The following GSTCD variants were observed in gnomAD, a reference collection of about 807,000 sequenced individuals.
The protein encoded by GSTCD is glutathione S-transferase C-terminal domain-containing protein.
A neutral mutation model predicts 68.3 loss-of-function variants in GSTCD; 44 were observed. The ratio of observed to expected loss-of-function variants is 0.64; its 90% CI spans 0.51 to 0.83. The LOEUF is 0.83. GSTCD is among the 40% of genes least tolerant of loss of function. The pLI, the probability that GSTCD is intolerant of heterozygous loss-of-function variation, is 0.00. For synonymous variants in GSTCD, 273 were observed against 255.2 expected, an observed-to-expected ratio of 1.07 and a Z score of -0.67; for missense variants, 739 against 735.9, an observed-to-expected ratio of 1.00 and a Z score of -0.05.
At chr4:105,820,001 AG>A (rs1160348619) in intron 5 of GSTCD, among the ~76,000 whole-genome samples, 1 of 151,842 alleles carries the variant, frequency 6.6e-6, no homozygotes, top group Admixed American at 6.6e-5. Flanking sequence ...CTCTTTTATA[AG>A]TAAGTTATAA....
chr4:105,721,870 T>TC (rs1732867055), intron 3 of GSTCD, among the ~76,000 whole-genome samples: 3 of 151,932 alleles, frequency 2.0e-5, no homozygotes, highest in Admixed American at 6.6e-5. Context: ...CACTCATGTT[T>TC]CCCCCCATTC....
rs747441882 is a variant in GSTCD at position 105,729,510 on chromosome 4, T to C, written c.1240+11T>C. ...TCAGCCCAAAGGAAGGTGAGTTTTC[T>C]TTTTTCTTTAAGTTTTATTCATACT... On this transcript the variant is annotated intron_variant, in intron 5 of 11. Coordinates refer to ENST00000515279, the MANE Select transcript of GSTCD (RefSeq NM_001370181.1). 5 of 1,585,686 alleles carry C rather than the reference T, an allele frequency of 3.2e-6. No individual in the cohort carries two copies. In the South Asian group the frequency reaches 4.5e-5, roughly 14 times the overall value.
chr4:105,763,409 C>G (rs1457686091), intron 5 of GSTCD, among the ~76,000 whole-genome samples: 1 of 152,120 alleles, frequency 6.6e-6, no homozygotes, highest in Non-Finnish European at 1.5e-5. Context: ...CACACATTAA[C>G]AACCCAATGA....
chr4:105,730,622 A>G (rs1733202909), intron 5 of GSTCD, among the ~76,000 whole-genome samples: 1 of 151,926 alleles, frequency 6.6e-6, no homozygotes, highest in African/African-American at 2.4e-5. Context: ...GTTTGAGTTC[A>G]TTGTAGATTC....
intron 5 of GSTCD, chr4:105,761,508 C>T (rs1442780331): frequency 6.6e-6 from 1 of 152,094 alleles, no homozygotes; most frequent in African/African-American, 2.4e-5. Flanking sequence ...ACTCAGTTTA[C>T]TAAATTTACT....
chr4:105,760,074 G>T (rs1486414285), intron 5 of GSTCD, among the ~76,000 whole-genome samples: 1 of 149,916 alleles, frequency 6.7e-6, no homozygotes, highest in Non-Finnish European at 1.5e-5. Flanking sequence ...ATGTTTAGAA[G>T]ACCAGTCCAA....
intron 5 of GSTCD, among the ~76,000 whole-genome samples, chr4:105,776,382 G>T (rs1161862724): frequency 1.3e-5 from 2 of 152,028 alleles, no homozygotes; most frequent in African/African-American, 4.8e-5. Context: ...TGCCACTGGG[G>T]TATGAAAAAA....
chr4:105,803,104 G>A (rs544101508), intron 5 of GSTCD, among the ~76,000 whole-genome samples: 1 of 152,180 alleles, frequency 6.6e-6, no homozygotes, highest in South Asian at 2.1e-4. Context: ...TATTTGACAA[G>A]GTCAGACAGC....
chr4:105,710,804 C>T (rs534540564), intron 1 of GSTCD: 1 of 152,280 alleles, frequency 6.6e-6, no homozygotes, highest in East Asian at 1.9e-4. Context: ...ATTATGACTC[C>T]ATGGCAACAG....
At chr4:105,842,701 T>A (rs1262017697) in intron 11 of GSTCD, among the ~76,000 whole-genome samples, 1 of 152,220 alleles carries the variant, frequency 6.6e-6, no homozygotes, top group East Asian at 1.9e-4. Flanking sequence ...TAGCAGTTAA[T>A]AGTTATACAT....
intron 5 of GSTCD, among the ~76,000 whole-genome samples, chr4:105,732,940 G>C (rs532726071): frequency 6.6e-6 from 1 of 152,086 alleles, no homozygotes; most frequent in East Asian, 1.9e-4. Flanking sequence ...CCTTCATTTC[G>C]TTATGTACCC....
intron 5 of GSTCD, among the ~76,000 whole-genome samples, chr4:105,756,208 G>A (rs1200271922): frequency 6.6e-6 from 1 of 152,136 alleles, no homozygotes; most frequent in Non-Finnish European, 1.5e-5. Context: ...CACCAGTGCA[G>A]AAGTTCTCAG....
chr4:105,778,330 G>C (rs1027911174), intron 5 of GSTCD, among the ~76,000 whole-genome samples: 1 of 152,056 alleles, frequency 6.6e-6, no homozygotes, highest in African/African-American at 2.4e-5. Context: ...GTATATATGT[G>C]TATATACACA....
chr4:105,777,278 G>T (rs1735108418), intron 5 of GSTCD, among the ~76,000 whole-genome samples: 1 of 152,060 alleles, frequency 6.6e-6, no homozygotes, highest in South Asian at 2.1e-4. Flanking sequence ...TTTAATCTTA[G>T]CCGATGTATG....
At chr4:105,841,460 G>A (rs1724335345) in intron 10 of GSTCD, among the ~76,000 whole-genome samples, 1 of 152,094 alleles carries the variant, frequency 6.6e-6, no homozygotes, top group Admixed American at 6.5e-5. Context: ...ATAGCAAAAT[G>A]TAACCATATT....
chr4:105,717,603 G>A lies in GSTCD; in HGVS notation c.-11G>A. The stretch of plus-strand genomic sequence containing the variant: ...CAATTTATACTTTAGGTGACCCAAT[G>A]AAAGAAGAAAATGAAAGCCATAAAG... On this transcript the variant is annotated 5_prime_UTR_variant, in exon 2 of 12. It removes an upstream start codon present in the reference 5' UTR. Transcript: ENST00000515279. The A allele has an allele frequency of 2.0e-6, 3 of 1,536,312 alleles. No individual in the cohort carries two copies. The highest frequency in any genetic ancestry group is 1.7e-6 in the Non-Finnish European group (2 of 1,146,366).
At chr4:105,821,523 C>T (rs1723290759) in intron 5 of GSTCD, among the ~76,000 whole-genome samples, 1 of 151,808 alleles carries the variant, frequency 6.6e-6, no homozygotes, top group Non-Finnish European at 1.5e-5. Context: ...AGAGTATTGA[C>T]TTAAATATTC....
chr4:105,789,125 C>G (rs1410975918), intron 5 of GSTCD, among the ~76,000 whole-genome samples: 1 of 152,076 alleles, frequency 6.6e-6, no homozygotes, highest in Non-Finnish European at 1.5e-5. Flanking sequence ...TGTGTTTTCT[C>G]TTTTTTGCCT....
Position 105,831,938 on chromosome 4 carries a change from AAAAT to A in GSTCD, c.1531-2507_1531-2504del, listed in dbSNP as rs1159740647. On this transcript the variant is annotated intron_variant, in intron 8 of 11. Coordinates refer to ENST00000515279, the MANE Select transcript of GSTCD (RefSeq NM_001370181.1). ...GTGACAAGAGCGAAACTGCATCTCA[AAAAT>A]AAATAAATAAATAAAAATAAATTTT... Among the ~76,000 whole-genome samples, 7 of 152,162 alleles carry A rather than the reference AAAAT, an allele frequency of 4.6e-5. No individual in the cohort carries two copies. In the South Asian group the frequency reaches 8.3e-4, roughly 18 times the overall value.
Sources: gnomAD v4.1 joint callset for allele counts (sites outside exome capture counted in the v4.1 genomes callset) on GRCh38, gnomAD v4.1.1 for gene constraint, MANE v1.5 for transcripts, NCBI Gene and HGNC (gene_info 2026-07-23, HGNC 2026-07-21) for gene names.